The following NCR1 variants were observed in gnomAD, a reference collection of about 807,000 sequenced individuals.
NCR1 encodes natural cytotoxicity triggering receptor 1.
In NCR1, 30 loss-of-function variants were observed where a neutral mutation model predicts 32.5. The ratio of observed to expected loss-of-function variants is 0.92; its 90% CI spans 0.69 to 1.25. The LOEUF is 1.25. NCR1 is among the 50% of genes most tolerant of loss of function. The probability of loss-of-function intolerance (pLI) is 0.00; values close to 1 mark genes in which losing one functional copy is unlikely to be tolerated. For missense variants in NCR1, 369 were observed against 380.7 expected (o/e 0.97, Z 0.26); for synonymous variants, 169 against 143.4 (o/e 1.18, Z -1.28).
upstream of NCR1, among the ~76,000 whole-genome samples, chr19:54,903,320 GTATA>G (rs587690175): frequency 0.013 from 1,596 of 122,844 alleles, 10 homozygotes; most frequent in Non-Finnish European, 0.018. Context: ...ATACATACAT[GTATA>G]TATACATGTA....
the NCR1 span, among the ~76,000 whole-genome samples, chr19:54,936,904 G>T: frequency 0.023 from 3,519 of 150,584 alleles, 64 homozygotes; most frequent in Admixed American, 0.042. Context: ...AACAGAGCAA[G>T]ACTCCATCTC....
chr19:54,922,823 TAC>T, the NCR1 span, among the ~76,000 whole-genome samples: 1 of 110,036 alleles, frequency 9.1e-6, no homozygotes, highest in African/African-American at 3.7e-5. Context: ...GAGAGACACA[TAC>T]AAAGACAGAG....
At chr19:54,899,330 A>G in the NCR1 span, among the ~76,000 whole-genome samples, 1 of 152,098 alleles carries the variant, frequency 6.6e-6, no homozygotes, top group Non-Finnish European at 1.5e-5. Flanking sequence ...AAGAGGTTTT[A>G]GGTTTTTAAG....
At chr19:54,930,425 G>A in the NCR1 span, 1 of 1,033,854 alleles carries the variant, frequency 9.7e-7, no homozygotes, top group Non-Finnish European at 1.5e-6. Context: ...TCACCCCACT[G>A]CACTCCAGGC....
chr19:54,910,164 T>A, intron 5 of NCR1, 99 bp downstream of exon 5: 1 of 1,241,796 alleles, frequency 8.1e-7, no homozygotes, highest in Non-Finnish European at 1.2e-6. Context: ...AGGCCAGGCG[T>A]GGTGGCTCAC....
the NCR1 span, among the ~76,000 whole-genome samples, chr19:54,899,670 A>C: frequency 2.0e-5 from 3 of 151,998 alleles, no homozygotes; most frequent in South Asian, 2.1e-4. Flanking sequence ...TTGCCCCCCC[A>C]GAAAAGCAGA....
chr19:54,901,360 C>CAA (rs80189325), upstream of NCR1, among the ~76,000 whole-genome samples: 1,600 of 90,912 alleles, frequency 0.018, 64 homozygotes, highest in East Asian at 0.024. Context: ...GAGTCCATCT[C>CAA]AAAAAAAAAA....
At chr19:54,922,796 A>C in the NCR1 span, among the ~76,000 whole-genome samples, 3 of 148,876 alleles carry the variant, frequency 2.0e-5, no homozygotes, top group South Asian at 6.6e-4. Flanking sequence ...AAAACAAAAA[A>C]AAAAAACGAA....
At chr19:54,909,096 G>A in intron 3 of NCR1, 149 bp from the exon 4 acceptor site, 2 of 690,962 alleles carry the variant, frequency 2.9e-6, no homozygotes, top group Non-Finnish European at 4.6e-6. Context: ...CTTGAACCCG[G>A]GAGGCGGAGG....
At chr19:54,932,641 G>A in the NCR1 span, among the ~76,000 whole-genome samples, 2 of 152,042 alleles carry the variant, frequency 1.3e-5, no homozygotes, top group African/African-American at 4.8e-5. Context: ...TACAAATAAG[G>A]ATTTTTGTTG....
the NCR1 span, among the ~76,000 whole-genome samples, chr19:54,921,824 C>T: frequency 1.6e-4 from 24 of 148,452 alleles, 1 homozygote. Flanking sequence ...TACAAGCTTT[C>T]AACCTAAAGC....
At chr19:54,913,456 G>A (rs887356441), downstream of NCR1, among the ~76,000 whole-genome samples, 4 of 152,120 alleles carry the variant, frequency 2.6e-5, no homozygotes, top group Non-Finnish European at 4.4e-5. Flanking sequence ...GGTCTTTTCT[G>A]AAAAGATCTC....
chr19:54,912,333 A>C, intron 6 of NCR1, 115 bp downstream of exon 6: 239 of 1,035,972 alleles, frequency 2.3e-4, no homozygotes, highest in Non-Finnish European at 3.2e-4. Flanking sequence ...GCAGTAGCTC[A>C]CACCTGTAAT....
At chr19:54,933,744 A>C in the NCR1 span, 1 of 1,613,190 alleles carries the variant, frequency 6.2e-7, no homozygotes, top group Non-Finnish European at 8.5e-7. Flanking sequence ...TCCAACCTGC[A>C]AAAATATGAA....
At chr19:54,900,813 T>G in the NCR1 span, among the ~76,000 whole-genome samples, 1 of 152,030 alleles carries the variant, frequency 6.6e-6, no homozygotes, top group Non-Finnish European at 1.5e-5. Flanking sequence ...ATCGTGGTGA[T>G]GGGCAGCTGG....
the NCR1 span, among the ~76,000 whole-genome samples, chr19:54,926,166 A>G: frequency 6.6e-6 from 1 of 151,924 alleles, no homozygotes; most frequent in South Asian, 2.1e-4. Flanking sequence ...GACCCAGGAC[A>G]GCTCTGGGAA....
intron 3 of NCR1, among the ~76,000 whole-genome samples, chr19:54,907,386 G>T (rs1350625284): frequency 2.0e-5 from 3 of 148,658 alleles, no homozygotes; most frequent in African/African-American, 4.9e-5. Flanking sequence ...CCTGACCTCA[G>T]ATGATCCGCC....
intron 5 of NCR1, 102 bp downstream of exon 5, chr19:54,910,167 T>A: frequency 8.5e-7 from 1 of 1,178,928 alleles, no homozygotes; most frequent in Non-Finnish European, 1.3e-6. Context: ...CCAGGCGTGG[T>A]GGCTCACGCC....
intron 3 of NCR1, among the ~76,000 whole-genome samples, chr19:54,908,635 C>G (rs368711130): frequency 6.9e-6 from 1 of 144,326 alleles, no homozygotes; most frequent in South Asian, 2.2e-4. Context: ...ACCTCCCGGA[C>G]GGGGCGGCTG....
Sources: allele counts gnomAD v4.1 joint callset (sites outside exome capture counted in the v4.1 genomes callset), GRCh38; gene constraint gnomAD v4.1.1; transcripts MANE v1.5; gene names NCBI Gene and HGNC (gene_info 2026-07-23, HGNC 2026-07-21).